CDH23: variants seen among roughly 807,000 people sequenced by gnomAD.
CDH23 encodes cadherin-23.
In CDH23, 189 loss-of-function variants were observed where a neutral mutation model predicts 317.1. The ratio of observed to expected loss-of-function variants is 0.60; its 90% CI spans 0.53 to 0.67. The LOEUF (loss-of-function observed/expected upper bound fraction) is 0.67. Among genes scored for constraint, CDH23 ranks in the 30% least tolerant of loss-of-function variants. The pLI is 0.00. For missense variants in CDH23, 4,401 were observed against 4,592.4 expected (o/e 0.96, Z 1.20); for synonymous variants, 1,839 against 1,876.8 (o/e 0.98, Z 0.52).
At chr10:71,717,908 T>G (rs1447410479) in intron 28 of CDH23, 1 of 152,226 alleles carries the variant, frequency 6.6e-6, no homozygotes, top group African/African-American at 2.4e-5. Flanking sequence ...TTCAAAATAA[T>G]GTGAAATGAA....
chr10:71,784,136 G>T (rs1270881941), intron 41 of CDH23, 151 bp from the exon 42 acceptor site: 20 of 695,010 alleles, frequency 2.9e-5, no homozygotes. Flanking sequence ...ATCTCATGAG[G>T]ATCTGAAGCT....
At chr10:71,608,736 G>A (rs751950538) in intron 9 of CDH23, among the ~76,000 whole-genome samples, 148 of 152,360 alleles carry the variant, frequency 9.7e-4, no homozygotes, top group Non-Finnish European at 1.6e-3. Flanking sequence ...CAGCTGCCTC[G>A]TGAGTTCTGA....
intron 6 of CDH23, among the ~76,000 whole-genome samples, chr10:71,537,994 G>A (rs768173009): frequency 6.6e-6 from 1 of 152,126 alleles, no homozygotes; most frequent in South Asian, 2.1e-4. Flanking sequence ...TAAAGCTGTC[G>A]GTTTCCCTCT....
chr10:71,654,369 T>C (rs1245053649), intron 14 of CDH23, among the ~76,000 whole-genome samples: 1 of 152,146 alleles, frequency 6.6e-6, no homozygotes, highest in Non-Finnish European at 1.5e-5. Context: ...CTCTCCACGG[T>C]TTTCATCGAT....
At chr10:71,485,445 G>T (rs983535835) in intron 3 of CDH23, among the ~76,000 whole-genome samples, 3 of 152,238 alleles carry the variant, frequency 2.0e-5, no homozygotes, top group Non-Finnish European at 2.9e-5. Flanking sequence ...CATCCGTCCT[G>T]CATTGACCTT....
intron 9 of CDH23, among the ~76,000 whole-genome samples, chr10:71,586,935 T>C (rs74621728): frequency 0.019 from 2,941 of 152,356 alleles, 216 homozygotes; most frequent in East Asian, 0.18. Context: ...GAGAATACTG[T>C]AGTTTATTCA....
chr10:71,504,670 T>C (rs115420205), intron 3 of CDH23, among the ~76,000 whole-genome samples: 2,598 of 152,272 alleles, frequency 0.017, 60 homozygotes, highest in African/African-American at 0.054. Flanking sequence ...CAGAATCCTC[T>C]GCCGCACTGA....
chr10:71,529,004 T>TCC (rs77163870), intron 6 of CDH23, among the ~76,000 whole-genome samples: 6,201 of 152,112 alleles, frequency 0.041, 163 homozygotes, highest in East Asian at 0.063. Flanking sequence ...TGGGAGGGTC[T>TCC]CTCTCTCTCT....
chr10:71,659,273 T>C (rs1007647013), intron 14 of CDH23, among the ~76,000 whole-genome samples: 4 of 152,096 alleles, frequency 2.6e-5, no homozygotes, highest in Non-Finnish European at 5.9e-5. Context: ...AGTCCACCAG[T>C]GCCATGAGCT....
In CDH23 at chr10:71,658,935, G is replaced by A. The variant is rs377605820; in HGVS notation, c.1449+12318G>A. Among the ~76,000 whole-genome samples the A allele has an allele frequency of 6.6e-5, 10 of 152,154 alleles. No homozygotes were observed. The East Asian group carries it at 9.6e-4, about 15-fold the overall frequency. On this transcript the variant is annotated intron_variant, in intron 14 of 69. Transcript: ENST00000224721. ...CTCACTCCCTGGGTGACCTTGAGCAGGTCCATGGCTGAAGGGGCCTCAGCG... is the reference window on the plus strand; with the variant it reads ...CTCACTCCCTGGGTGACCTTGAGCAAGTCCATGGCTGAAGGGGCCTCAGCG...
At chr10:71,742,408 G>A (rs530682983) in intron 38 of CDH23, among the ~76,000 whole-genome samples, 6 of 152,366 alleles carry the variant, frequency 3.9e-5, no homozygotes, top group Non-Finnish European at 4.4e-5. Flanking sequence ...GAAGGGATTC[G>A]TGTCTGTGGT....
At position 71,777,793 on chromosome 10, in the gene CDH23, C is replaced by A; in HGVS notation, c.4959C>A (p.Ser1653Arg). The A allele has an allele frequency of 3.7e-6, 6 of 1,613,958 alleles. No homozygotes were observed. The highest frequency in any genetic ancestry group is 5.1e-6 in the Non-Finnish European group (6 of 1,179,876). The change falls in exon 39 of 70, where the codon AGC becomes AGA. Residue 1653 changes from serine to arginine, a missense_variant. Physicochemically the swap from Ser to Arg is moderately radical, Grantham distance 110. Around this residue, in one of 3 missense-constraint regions of CDH23, gnomAD observed 3,068 missense variants for 3,203.3 expected, o/e 0.96. Transcript: ENST00000224721. ...AGGGCCCAGACACGCTCAACACCAG[C>A]CTCATCACCATCCAGGCACTGGACC... ...LDEGPDTLNT[S>R]LITIQALDLD...
At chr10:71,509,494 A>G (rs1265316459) in intron 3 of CDH23, among the ~76,000 whole-genome samples, 1 of 152,206 alleles carries the variant, frequency 6.6e-6, no homozygotes, top group Non-Finnish European at 1.5e-5. Flanking sequence ...TGTGTGCTTC[A>G]TTCTCAGACA....
intron 3 of CDH23, among the ~76,000 whole-genome samples, chr10:71,447,735 C>A (rs1850240622): frequency 6.6e-6 from 1 of 152,158 alleles, no homozygotes; most frequent in Non-Finnish European, 1.5e-5. Flanking sequence ...AGAGAGCATA[C>A]CCACGTCCCT....
intron 30 of CDH23, among the ~76,000 whole-genome samples, chr10:71,726,502 C>T (rs979152881): frequency 6.6e-6 from 1 of 152,200 alleles, no homozygotes; most frequent in Admixed American, 6.5e-5. Context: ...AACGCTTTGC[C>T]CCAAGAAGAG....
rs557933395 is a variant in CDH23, at chr10:71,650,555, G to A, written c.1449+3938G>A. Among the ~76,000 whole-genome samples the A allele has an allele frequency of 2.6e-5, 4 of 152,354 alleles. No homozygotes were observed. The South Asian group carries it at 8.3e-4, about 32-fold the overall frequency. ...AGGTATGTGTATGTAATATACATGTGTGTGTGCATGTGTGCCTGTGCACGT... is the reference window on the plus strand; with the variant it reads ...AGGTATGTGTATGTAATATACATGTATGTGTGCATGTGTGCCTGTGCACGT... On this transcript the variant is annotated intron_variant, in intron 14 of 69. Coordinates refer to ENST00000224721, the MANE Select transcript of CDH23 (RefSeq NM_022124.6).
At chr10:71,525,670 G>T (rs75372719) in intron 6 of CDH23, among the ~76,000 whole-genome samples, 1 of 152,160 alleles carries the variant, frequency 6.6e-6, no homozygotes, top group Non-Finnish European at 1.5e-5. Flanking sequence ...TGGCAGGTAC[G>T]GGGTGCTGGT....
At chr10:71,736,886 T>C (rs768151173) in intron 34 of CDH23, among the ~76,000 whole-genome samples, 1 of 152,158 alleles carries the variant, frequency 6.6e-6, no homozygotes, top group Non-Finnish European at 1.5e-5. Flanking sequence ...GTCAGGGAAC[T>C]AGAAGAGGGC....
At chr10:71,578,038 C>T (rs868047463) in intron 9 of CDH23, 46 bp downstream of exon 9, 1 of 1,533,350 alleles carries the variant, frequency 6.5e-7, no homozygotes. Flanking sequence ...CTCTGTCCTC[C>T]ACCCAAGGAG....
Sources: gnomAD v4.1 joint callset for allele counts (sites outside exome capture counted in the v4.1 genomes callset) on GRCh38, gnomAD v4.1.1 for gene constraint, gnomAD v4.1.1 regional missense constraint, MANE v1.5 for transcripts, NCBI Gene and HGNC (gene_info 2026-07-23, HGNC 2026-07-21) for gene names.